The following IPCEF1 variants were observed in gnomAD, a reference collection of about 807,000 sequenced individuals.
IPCEF1 encodes the protein interactor protein for cytohesin exchange factors 1.
A neutral mutation model predicts 50.9 loss-of-function variants in IPCEF1; 31 were observed. The ratio of observed to expected loss-of-function variants is 0.61; its 90% CI spans 0.46 to 0.82. IPCEF1 has a LOEUF of 0.82. Ranked by LOEUF, IPCEF1 falls within the 40% of genes least tolerant of loss-of-function variation. The pLI, the probability that IPCEF1 is intolerant of heterozygous loss-of-function variation, is 0.00. For synonymous variants in IPCEF1, 181 were observed against 192.0 expected (o/e 0.94, Z 0.47); for missense variants, 458 against 514.0 (o/e 0.89, Z 1.05).
intron 10 of IPCEF1, among the ~76,000 whole-genome samples, chr6:154,170,163 C>T (rs1799759241): frequency 1.3e-5 from 2 of 152,176 alleles, no homozygotes; most frequent in African/African-American, 4.8e-5. Flanking sequence ...TCACTAAGAA[C>T]GTTAGTCTAT....
chr6:154,258,594 G>T lies in IPCEF1; in HGVS notation c.36+7318C>A, dbSNP rs1781518052. 2.0e-5 allele frequency among the ~76,000 whole-genome samples: 3 copies of T among 152,092 alleles called. No individual in the cohort carries two copies. The South Asian group carries it at 6.2e-4, about 32-fold the overall frequency. On this transcript the variant is annotated intron_variant, in intron 3 of 11. Coordinates refer to ENST00000367220, the MANE Select transcript of IPCEF1 (RefSeq NM_001130700.2). The stretch of plus-strand genomic sequence containing the variant: ...GCCCTTTCCCCTCTCCTACACATTT[G>T]CTCACGCACCACCCATGTCCAGGTT...
intron 1 of IPCEF1, among the ~76,000 whole-genome samples, chr6:154,323,188 G>T (rs894616207): frequency 6.6e-6 from 1 of 151,982 alleles, no homozygotes; most frequent in Non-Finnish European, 1.5e-5. Context: ...ACTAGCCCCA[G>T]ATCTCCACGT....
intron 1 of IPCEF1, among the ~76,000 whole-genome samples, chr6:154,297,646 A>G (rs992419086): frequency 6.6e-6 from 1 of 152,200 alleles, no homozygotes; most frequent in Non-Finnish European, 1.5e-5. Flanking sequence ...AAAAATCACC[A>G]TCATCCCCAG....
In IPCEF1 at chr6:154,159,502, A is replaced by G. The variant is rs1362123282; in HGVS notation, c.*326T>C. 3.4e-6 allele frequency: 1 copy of G among 298,360 alleles called. No individual in the cohort carries two copies. Among genetic ancestry groups the G allele is most frequent in the Non-Finnish European group, 6.1e-6 (1 of 163,072 alleles). The allele number at this position is 298,360 out of a possible 1,614,324, so 18.5% of individuals were successfully genotyped here. A position where few individuals can be genotyped will look rare whatever the true frequency, so the allele number is the denominator to read the frequency against. ...TCCTGGTAAAATTTGATTCTTGTCC[A>G]TAGCATTCTCTGGAGAGCAATGAAC... On this transcript the variant is annotated 3_prime_UTR_variant, in exon 12 of 12. Transcript: ENST00000367220.
chr6:154,243,556 C>A (rs543842517), intron 5 of IPCEF1, among the ~76,000 whole-genome samples: 1 of 152,250 alleles, frequency 6.6e-6, no homozygotes, highest in African/African-American at 2.4e-5. Context: ...CAGGCAATGA[C>A]GGAGAGAGAA....
At chr6:154,210,146 G>A (rs192382477) in intron 9 of IPCEF1, among the ~76,000 whole-genome samples, 11 of 152,200 alleles carry the variant, frequency 7.2e-5, no homozygotes, top group Non-Finnish European at 1.5e-5. Context: ...ATTTCACCAG[G>A]GAGAGTTCTA....
intron 1 of IPCEF1, among the ~76,000 whole-genome samples, chr6:154,311,753 CCT>C (rs1338023153): frequency 8.6e-5 from 13 of 152,028 alleles, no homozygotes; most frequent in Admixed American, 7.9e-4. Context: ...TCGCCTCACC[CCT>C]GTTAGAATGG....
chr6:154,199,024 C>T (rs1776859517), intron 10 of IPCEF1, among the ~76,000 whole-genome samples: 1 of 152,172 alleles, frequency 6.6e-6, no homozygotes, highest in Admixed American at 6.5e-5. Flanking sequence ...AAGACAAGGA[C>T]CAGTTATCAG....
At chr6:154,232,956 C>G (rs1481118380) in intron 5 of IPCEF1, among the ~76,000 whole-genome samples, 1 of 151,224 alleles carries the variant, frequency 6.6e-6, no homozygotes, top group Non-Finnish European at 1.5e-5. Flanking sequence ...GTAAAATAAG[C>G]CTTTTTTCTT....
intron 3 of IPCEF1, among the ~76,000 whole-genome samples, chr6:154,254,839 C>T (rs960442022): frequency 2.6e-5 from 4 of 152,000 alleles, no homozygotes; most frequent in Non-Finnish European, 5.9e-5. Flanking sequence ...TGAGTTTAAT[C>T]TACTTACATT....
intron 5 of IPCEF1, among the ~76,000 whole-genome samples, chr6:154,238,325 G>A (rs1422569569): frequency 1.3e-5 from 2 of 152,042 alleles, no homozygotes; most frequent in South Asian, 2.1e-4. Flanking sequence ...GCGCTGTCTC[G>A]GCTCACTGCA....
At chr6:154,164,373 T>A (rs1425957830) in intron 11 of IPCEF1, among the ~76,000 whole-genome samples, 1 of 152,144 alleles carries the variant, frequency 6.6e-6, no homozygotes, top group Non-Finnish European at 1.5e-5. Flanking sequence ...AGTTCTTCTA[T>A]GGATGAAAGA....
chr6:154,318,754 T>C (rs139818911), intron 1 of IPCEF1, among the ~76,000 whole-genome samples: 1 of 150,308 alleles, frequency 6.7e-6, no homozygotes, highest in Non-Finnish European at 1.5e-5. Context: ...AAACAATACA[T>C]ATTTTCTATA....
At chr6:154,321,507 G>A (rs1022298906) in intron 1 of IPCEF1, among the ~76,000 whole-genome samples, 4 of 152,052 alleles carry the variant, frequency 2.6e-5, no homozygotes, top group Admixed American at 6.6e-5. Flanking sequence ...GTCAGGCGTT[G>A]TGGCTCACAT....
chr6:154,257,355 C>A (rs1781487677), intron 3 of IPCEF1, among the ~76,000 whole-genome samples: 1 of 152,212 alleles, frequency 6.6e-6, no homozygotes, highest in South Asian at 2.1e-4. Flanking sequence ...CCTTAACCTG[C>A]AGGCAGAGGC....
intron 2 of IPCEF1, among the ~76,000 whole-genome samples, chr6:154,279,832 A>G (rs775878538): frequency 1.3e-5 from 2 of 152,216 alleles, no homozygotes; most frequent in Non-Finnish European, 2.9e-5. Flanking sequence ...ACAGGCAGAA[A>G]ACCTAAGACA....
At chr6:154,344,452 T>C (rs1037984992) in intron 1 of IPCEF1, among the ~76,000 whole-genome samples, 2 of 152,184 alleles carry the variant, frequency 1.3e-5, no homozygotes, top group African/African-American at 4.8e-5. Context: ...CATTATCTTA[T>C]AGAAACCCCA....
At chr6:154,260,176 T>A (rs1434219570) in intron 3 of IPCEF1, among the ~76,000 whole-genome samples, 1 of 152,192 alleles carries the variant, frequency 6.6e-6, no homozygotes, top group Non-Finnish European at 1.5e-5. Context: ...AGACAGATCA[T>A]CCCACAGGTG....
intron 5 of IPCEF1, among the ~76,000 whole-genome samples, chr6:154,244,159 C>T (rs1474954274): frequency 6.6e-6 from 1 of 152,152 alleles, no homozygotes; most frequent in Non-Finnish European, 1.5e-5. Context: ...AGCTTCTTGG[C>T]TTGACAGGAC....
Sources: allele counts gnomAD v4.1 joint callset (sites outside exome capture counted in the v4.1 genomes callset), GRCh38; gene constraint gnomAD v4.1.1; transcripts MANE v1.5; gene names NCBI Gene and HGNC (gene_info 2026-07-23, HGNC 2026-07-21).